The following MAP4K5 variants were observed in gnomAD, a reference collection of about 807,000 sequenced individuals.
MAP4K5 encodes mitogen-activated protein kinase kinase kinase kinase 5.
Under a neutral mutation model 135.6 loss-of-function variants are expected in MAP4K5, and 82 were observed. The observed-to-expected ratio is 0.60, with a 90% CI of 0.51 to 0.73. The LOEUF (loss-of-function observed/expected upper bound fraction) is 0.73, where lower values mean the gene tolerates loss of function less well. Ranked by LOEUF, MAP4K5 falls within the 30% of genes least tolerant of loss-of-function variation. The pLI, the probability that MAP4K5 is intolerant of heterozygous loss-of-function variation, is 0.00. For synonymous variants in MAP4K5, 347 were observed against 335.0 expected (o/e 1.04, Z -0.39); for missense variants, 907 against 1,010.9 (o/e 0.90, Z 1.39).
chr14:50,468,771 T>G lies in MAP4K5; in HGVS notation c.554A>C (p.Glu185Ala). Residue 185 changes from glutamate (E) to alanine (A), a missense_variant, in exon 10 of 33, where the codon GAA becomes GCA. By Grantham distance (107) the Glu-to-Ala change is moderately radical. Transcript: ENST00000682126. ...ACCATTCTTCTCTACTGCTGCAACT[T>G]CTGGGGCCATCCTAGAAGGAATCAA... ...FIGTPYWMAP[E>A]VAAVEKNGGY... is the part of the protein sequence containing the mutation. 1.2e-6 allele frequency: 2 copies of G among 1,609,586 alleles called. No homozygotes were observed. Among genetic ancestry groups the G allele is most frequent in the Non-Finnish European group, 1.7e-6 (2 of 1,177,646 alleles).
rs2035665795 is a variant in MAP4K5 at position 50,419,060 on chromosome 14, CCT to C, written c.*957_*958del. 1 of 152,010 alleles carries C rather than the reference CCT, an allele frequency of 6.6e-6. No homozygotes were observed. Among genetic ancestry groups the C allele is most frequent in the Non-Finnish European group, 1.5e-5 (1 of 67,958 alleles). 9.4% of individuals were successfully genotyped at this position (152,010 alleles called of 1,614,324 possible). ...TACATGTGTAATTACTTTATAGTTTCCTCTCTGGCATAGTATAAGTAAAATAC... is the reference window on the plus strand; with the variant it reads ...TACATGTGTAATTACTTTATAGTTTCCTCTGGCATAGTATAAGTAAAATAC... On this transcript the variant is annotated 3_prime_UTR_variant, in exon 33 of 33. Transcript: ENST00000682126.
chr14:50,491,370 T>G (rs2037480785), intron 3 of MAP4K5, among the ~76,000 whole-genome samples: 1 of 151,338 alleles, frequency 6.6e-6, no homozygotes, highest in African/African-American at 2.4e-5. Flanking sequence ...TCACCCAGGC[T>G]AAAGTGCAGT....
intron 6 of MAP4K5, among the ~76,000 whole-genome samples, chr14:50,481,987 GACA>G (rs2037252751): frequency 6.6e-6 from 1 of 152,178 alleles, no homozygotes; most frequent in Non-Finnish European, 1.5e-5. Context: ...GGAACGCTTA[GACA>G]ACATGTTACA....
Position 50,478,537 on chromosome 14 carries a change from C to T in MAP4K5, c.379-2231G>A, listed in dbSNP as rs1297707560. Reference sequence around the variant, plus strand: ...AGCTTCTGTTTAGTGCTATAAATTTCCCTATAAGTACAGGCTGAATATCCC... The same window carrying T: ...AGCTTCTGTTTAGTGCTATAAATTTTCCTATAAGTACAGGCTGAATATCCC... On this transcript the variant is annotated intron_variant, in intron 6 of 32. Coordinates refer to ENST00000682126, the MANE Select transcript of MAP4K5 (RefSeq NM_006575.6). 2.6e-5 allele frequency among the ~76,000 whole-genome samples: 4 copies of T among 152,078 alleles called. No homozygotes were observed. In the East Asian group the frequency reaches 5.8e-4, roughly 22 times the overall value.
chr14:50,515,971 A>G (rs1462751151), intron 2 of MAP4K5, among the ~76,000 whole-genome samples: 1 of 152,190 alleles, frequency 6.6e-6, no homozygotes, highest in Non-Finnish European at 1.5e-5. Context: ...AAACTTTTTC[A>G]TTCCCACATC....
chr14:50,537,176 A>G (rs938147847), upstream of MAP4K5, among the ~76,000 whole-genome samples: 1 of 152,154 alleles, frequency 6.6e-6, no homozygotes, highest in Admixed American at 6.5e-5. Flanking sequence ...CCTGCTTTCC[A>G]GCTGCTCCAG....
At chr14:50,560,766 G>T (rs1316102642) in intron 1 of MAP4K5, among the ~76,000 whole-genome samples, 1 of 152,218 alleles carries the variant, frequency 6.6e-6, no homozygotes, top group Non-Finnish European at 1.5e-5. Context: ...GCTCTGCAGG[G>T]CGCGGGCTCC....
intron 3 of MAP4K5, among the ~76,000 whole-genome samples, chr14:50,491,166 C>A (rs17092844): frequency 0.034 from 5,237 of 152,068 alleles, 303 homozygotes; most frequent in African/African-American, 0.12. Context: ...GGCATTAAAA[C>A]CTGGTTGTGC....
In MAP4K5 at chr14:50,423,170, G is replaced by C; in HGVS notation, c.2404C>G (p.Gln802Glu). The C allele has an allele frequency of 6.5e-7, 1 of 1,529,092 alleles. No individual in the cohort carries two copies. Among genetic ancestry groups the C allele is most frequent in the Non-Finnish European group, 9.0e-7 (1 of 1,109,636 alleles). 94.7% of individuals were successfully genotyped at this position (1,529,092 alleles called of 1,614,324 possible). A position where few individuals can be genotyped will look rare whatever the true frequency, so the allele number is the denominator to read the frequency against. Reference protein sequence around the residue: ...GKSFKSDEVTQEISDETRVFR... With the variant: ...GKSFKSDEVTEEISDETRVFR... ...ACTCTTGTTTCATCTGAAATCTCCT[G>C]GGTAACCTAGGAAAGAAAAATACCT... is the stretch of plus-strand genomic sequence containing the variant. The change falls in exon 32 of 33, where the codon CAG becomes GAG. Residue 802 changes from glutamine to glutamate, a missense_variant. Gln to Glu is a conservative substitution (Grantham distance 29, BLOSUM62 2). Coordinates refer to ENST00000682126, the MANE Select transcript of MAP4K5 (RefSeq NM_006575.6).
At chr14:50,481,215 T>C (rs1454694427) in intron 6 of MAP4K5, among the ~76,000 whole-genome samples, 1 of 151,456 alleles carries the variant, frequency 6.6e-6, no homozygotes, top group Non-Finnish European at 1.5e-5. Context: ...GTAGATACAA[T>C]GAAGTAGGTT....
In MAP4K5 at chr14:50,423,117, T is replaced by C. The variant is rs1347749679; in HGVS notation, c.2453+4A>G. 1 of 1,509,674 alleles carries C rather than the reference T, an allele frequency of 6.6e-7. No individual in the cohort carries two copies. Among genetic ancestry groups the C allele is most frequent in the East Asian group, 2.3e-5 (1 of 44,214 alleles). 93.5% of individuals were successfully genotyped at this position (1,509,674 alleles called of 1,614,324 possible). Reference sequence around the variant, plus strand: ...TAATTAAATTAATACAACCAAACTATTACCTGTCTGATCCTAATAAGCGGA... The same window carrying C: ...TAATTAAATTAATACAACCAAACTACTACCTGTCTGATCCTAATAAGCGGA... On this transcript the variant is annotated splice_donor_region_variant and intron_variant, in intron 32 of 32. Coordinates refer to ENST00000682126, the MANE Select transcript of MAP4K5 (RefSeq NM_006575.6).
At chr14:50,430,552 A>C (rs540301453) in intron 28 of MAP4K5, among the ~76,000 whole-genome samples, 2 of 152,202 alleles carry the variant, frequency 1.3e-5, no homozygotes, top group African/African-American at 2.4e-5. Flanking sequence ...TTTTGAAGTT[A>C]CCTCAACTTC....
chr14:50,460,642 C>A (rs2036691757), intron 13 of MAP4K5, among the ~76,000 whole-genome samples: 1 of 152,252 alleles, frequency 6.6e-6, no homozygotes, highest in South Asian at 2.1e-4. Flanking sequence ...TTTAATATTT[C>A]CACTTCAAGT....
intron 2 of MAP4K5, among the ~76,000 whole-genome samples, chr14:50,525,333 T>C (rs912895840): frequency 2.0e-5 from 3 of 152,224 alleles, no homozygotes; most frequent in African/African-American, 7.2e-5. Context: ...TCAATTACCC[T>C]TCTCCTCCTG....
At chr14:50,482,072 T>G (rs1306846840) in intron 6 of MAP4K5, among the ~76,000 whole-genome samples, 2 of 152,226 alleles carry the variant, frequency 1.3e-5, no homozygotes, top group African/African-American at 4.8e-5. Context: ...TAAAGGAGAA[T>G]ACCTCACATG....
chr14:50,468,698 A>G lies in MAP4K5; in HGVS notation c.627T>C (p.Ile209=), dbSNP rs770550138. 6.2e-7 allele frequency: 1 copy of G among 1,613,406 alleles called. No homozygotes were observed. Among genetic ancestry groups the G allele is most frequent in the Non-Finnish European group, 8.5e-7 (1 of 1,179,576 alleles). Residue 209 remains isoleucine, a synonymous_variant, in exon 10 of 33, where the codon ATT becomes ATC. Coordinates refer to ENST00000682126, the MANE Select transcript of MAP4K5 (RefSeq NM_006575.6). Reference sequence around the variant, plus strand: ...TAGGTGGCTGAAGTTCTCCAAGTTCAATTGCTGTTATTCCTACTGCCCAGA... The same window carrying G: ...TAGGTGGCTGAAGTTCTCCAAGTTCGATTGCTGTTATTCCTACTGCCCAGA... ...CDIWAVGITA[I]ELGELQPPMF...
intron 26 of MAP4K5, among the ~76,000 whole-genome samples, chr14:50,435,704 G>C (rs917902558): frequency 6.6e-6 from 1 of 151,974 alleles, no homozygotes; most frequent in Non-Finnish European, 1.5e-5. Flanking sequence ...AATGCACCTC[G>C]TTTTGGTATA....
intron 31 of MAP4K5, among the ~76,000 whole-genome samples, chr14:50,423,686 T>C (rs554908846): frequency 6.6e-5 from 10 of 152,270 alleles, no homozygotes; most frequent in African/African-American, 2.4e-4. Flanking sequence ...GGAGGATCGC[T>C]TGAGCCCAGG....
intron 14 of MAP4K5, 44 bp from the exon 15 acceptor site, chr14:50,448,876 G>A (rs2036419425): frequency 1.0e-6 from 1 of 995,966 alleles, no homozygotes. Flanking sequence ...GCATCTCAAA[G>A]GGTTGATCTC....
Sources: gnomAD v4.1 joint callset for allele counts (sites outside exome capture counted in the v4.1 genomes callset) on GRCh38, gnomAD v4.1.1 for gene constraint, MANE v1.5 for transcripts, NCBI Gene and HGNC (gene_info 2026-07-23, HGNC 2026-07-21) for gene names.